The following LARGE1 variants were observed in gnomAD, a reference collection of about 807,000 sequenced individuals.
LARGE1 encodes the protein LARGE xylosyl- and glucuronyltransferase 1.
Under a neutral mutation model 87.6 loss-of-function variants are expected in LARGE1, and 43 were observed. That is an observed-to-expected ratio of 0.49 (90% CI 0.38 to 0.63). The LOEUF (loss-of-function observed/expected upper bound fraction) is 0.63. Among genes scored for constraint, LARGE1 ranks in the 30% least tolerant of loss-of-function variants. The probability of loss-of-function intolerance (pLI) is 0.00; values close to 1 mark genes in which losing one functional copy is unlikely to be tolerated. For missense variants in LARGE1, 802 were observed against 1,000.2 expected (o/e 0.80, Z 2.67); for synonymous variants, 434 against 394.6 (o/e 1.10, Z -1.18).
At chr22:33,588,510 C>CGT (rs10528247) in intron 5 of LARGE1, among the ~76,000 whole-genome samples, 6,021 of 150,650 alleles carry the variant, frequency 0.04, 151 homozygotes, top group Non-Finnish European at 0.055. Context: ...TATATGTGTG[C>CGT]GTGTGTGTGT....
chr22:33,818,520 G>A (rs948523932), intron 1 of LARGE1, among the ~76,000 whole-genome samples: 1 of 152,128 alleles, frequency 6.6e-6, no homozygotes, highest in African/African-American at 2.4e-5. Flanking sequence ...AGAAAGAAGG[G>A]GGACTGTGGC....
chr22:33,093,557 G>A, the LARGE1 span, among the ~76,000 whole-genome samples: 1 of 152,312 alleles, frequency 6.6e-6, no homozygotes. Context: ...TCTTTGGAAT[G>A]TGAATGAGCC....
At position 33,594,828 on chromosome 22, in the gene LARGE1, A is replaced by G. The variant is rs149473742; in HGVS notation, c.615+9607T>C. 7.6e-4 allele frequency among the ~76,000 whole-genome samples: 115 copies of G among 152,248 alleles called. 1 individual carries two copies. Among genetic ancestry groups the G allele is most frequent in the African/African-American group, 2.5e-3 (104 of 41,544 alleles). ...CACCATGTTGGCCAGGCTGGTCTCG[A>G]ACTCCTGACCTTAGGTGGTCCACCT... On this transcript the variant is annotated intron_variant, in intron 5 of 14. Transcript: ENST00000397394.
chr22:33,541,201 GAA>G (rs11368503), intron 6 of LARGE1, among the ~76,000 whole-genome samples: 1 of 133,712 alleles, frequency 7.5e-6, no homozygotes, highest in Non-Finnish European at 1.6e-5. Context: ...GGGAAAAAAA[GAA>G]AAAAAAAAAA....
chr22:33,804,920 G>A (rs953911290), intron 1 of LARGE1, among the ~76,000 whole-genome samples: 3 of 152,230 alleles, frequency 2.0e-5, no homozygotes, highest in Admixed American at 6.5e-5. Flanking sequence ...CCTTGTTCCA[G>A]AACTCCTGGC....
chr22:33,909,999 C>G (rs2065581066), intron 1 of LARGE1, among the ~76,000 whole-genome samples: 1 of 152,332 alleles, frequency 6.6e-6, no homozygotes, highest in East Asian at 1.9e-4. Flanking sequence ...AGTCCCACCC[C>G]TCCTTTGAGT....
intron 2 of LARGE1, among the ~76,000 whole-genome samples, chr22:33,728,256 C>G (rs141324510): frequency 6.6e-6 from 1 of 151,960 alleles, no homozygotes; most frequent in African/African-American, 2.4e-5. Flanking sequence ...ATTTCCAGAA[C>G]GGCCAGGCTC....
intron 1 of LARGE1, among the ~76,000 whole-genome samples, chr22:33,797,615 T>A (rs373925940): frequency 2.2e-4 from 34 of 152,296 alleles, no homozygotes; most frequent in African/African-American, 7.9e-4. Flanking sequence ...GTGACAGCCC[T>A]GACCAATCTC....
chr22:33,862,957 ATTG>A (rs2063976350), intron 1 of LARGE1, among the ~76,000 whole-genome samples: 2 of 152,080 alleles, frequency 1.3e-5, no homozygotes, highest in South Asian at 2.1e-4. Flanking sequence ...TATTATTATT[ATTG>A]TTGTTATTAT....
intron 2 of LARGE1, among the ~76,000 whole-genome samples, chr22:33,754,529 G>T (rs2084438093): frequency 6.6e-6 from 1 of 151,954 alleles, no homozygotes; most frequent in Admixed American, 6.5e-5. Flanking sequence ...GTAGAGACGG[G>T]GTTTCACCGT....
chr22:33,207,752 A>G (rs976295819), intron 11 of LARGE1, among the ~76,000 whole-genome samples: 1 of 152,128 alleles, frequency 6.6e-6, no homozygotes, highest in Non-Finnish European at 1.5e-5. Flanking sequence ...GCTCCAACAG[A>G]TATCCAACAG....
At chr22:33,648,539 C>A (rs1284699312) in intron 3 of LARGE1, among the ~76,000 whole-genome samples, 1 of 152,140 alleles carries the variant, frequency 6.6e-6, no homozygotes, top group Non-Finnish European at 1.5e-5. Context: ...GATCTGCTAG[C>A]AGAGAACCTG....
At chr22:33,747,809 GACCTCATCTGAAATGGTAA>G (rs2084148183) in intron 2 of LARGE1, 1 of 152,116 alleles carries the variant, frequency 6.6e-6, no homozygotes, top group East Asian at 1.9e-4. Flanking sequence ...GGCGCTCAGT[GACCTCATCTGAAATGGTAA>G]ACCCTTCTTC....
intron 1 of LARGE1, among the ~76,000 whole-genome samples, chr22:33,840,029 T>C (rs35709129): frequency 0.2 from 29,680 of 152,114 alleles, 3,021 homozygotes; most frequent in Middle Eastern, 0.27. Flanking sequence ...GGCCAGATCA[T>C]TAGAGAAAAT....
At chr22:33,697,391 G>A (rs2082282523) in intron 2 of LARGE1, among the ~76,000 whole-genome samples, 1 of 151,722 alleles carries the variant, frequency 6.6e-6, no homozygotes, top group East Asian at 1.9e-4. Context: ...GATTCTTCAA[G>A]GCACTTAAGA....
chr22:33,576,596 T>C (rs1276013883), intron 5 of LARGE1, among the ~76,000 whole-genome samples: 1 of 152,124 alleles, frequency 6.6e-6, no homozygotes, highest in Non-Finnish European at 1.5e-5. Context: ...TTCCTATGTA[T>C]GTGAATATGC....
At chr22:33,639,613 AG>A (rs1468192399) in intron 3 of LARGE1, among the ~76,000 whole-genome samples, 1 of 152,218 alleles carries the variant, frequency 6.6e-6, no homozygotes, top group Non-Finnish European at 1.5e-5. Context: ...GAATTGTCTA[AG>A]GTCACAAGAC....
chr22:33,666,892 A>G (rs559399847), intron 2 of LARGE1, among the ~76,000 whole-genome samples: 1 of 151,560 alleles, frequency 6.6e-6, no homozygotes, highest in South Asian at 2.1e-4. Context: ...GCACTTCCTG[A>G]TTGTACAGCA....
chr22:33,654,094 T>A (rs557352316), intron 2 of LARGE1, among the ~76,000 whole-genome samples: 1 of 152,328 alleles, frequency 6.6e-6, no homozygotes, highest in South Asian at 2.1e-4. Context: ...CAAATGGTTT[T>A]AACCAAATTT....
Sources: allele counts gnomAD v4.1 joint callset (sites outside exome capture counted in the v4.1 genomes callset), GRCh38; gene constraint gnomAD v4.1.1; transcripts MANE v1.5; gene names NCBI Gene and HGNC (gene_info 2026-07-23, HGNC 2026-07-21).